ECHDC3: variants seen among roughly 807,000 people sequenced by gnomAD.
ECHDC3 encodes enoyl-CoA hydratase domain containing 3.
In ECHDC3, 20 loss-of-function variants were observed where a neutral mutation model predicts 17.9. The ratio of observed to expected loss-of-function variants is 1.12; its 90% CI spans 0.79 to 1.63. The LOEUF (loss-of-function observed/expected upper bound fraction) is 1.63, where lower values mean the gene tolerates loss of function less well. Among genes scored for constraint, ECHDC3 ranks in the 40% most tolerant of loss-of-function variants. The pLI, the probability that ECHDC3 is intolerant of heterozygous loss-of-function variation, is 0.00. For synonymous variants in ECHDC3, 177 were observed against 149.7 expected, an observed-to-expected ratio of 1.18 and a Z score of -1.33; for missense variants, 407 against 357.7, an observed-to-expected ratio of 1.14 and a Z score of -1.11.
chr10:11,754,172 A>G (rs2133791794), intron 3 of ECHDC3, among the ~76,000 whole-genome samples: 1 of 152,374 alleles, frequency 6.6e-6, no homozygotes, highest in South Asian at 2.1e-4. Flanking sequence ...ATAGCCTTAA[A>G]TATATAATTG....
At chr10:11,754,123 C>CA (rs1172433116) in intron 3 of ECHDC3, among the ~76,000 whole-genome samples, 1 of 151,848 alleles carries the variant, frequency 6.6e-6, no homozygotes, top group Admixed American at 6.6e-5. Context: ...AGACCTCCCC[C>CA]AAAAAAAGTC....
At chr10:11,747,745 C>T (rs934052360) in intron 2 of ECHDC3, among the ~76,000 whole-genome samples, 1 of 152,172 alleles carries the variant, frequency 6.6e-6, no homozygotes, top group Non-Finnish European at 1.5e-5. Flanking sequence ...CTGGTCTTCC[C>T]CTCAAAATCA....
At chr10:11,743,875 G>C (rs1046613220) in intron 1 of ECHDC3, among the ~76,000 whole-genome samples, 1 of 152,254 alleles carries the variant, frequency 6.6e-6, no homozygotes, top group Non-Finnish European at 1.5e-5. Context: ...GGCCGGTCGA[G>C]TTCTCCAGAA....
chr10:11,763,711 AGGACAAAAT>A lies in ECHDC3; in HGVS notation c.*171_*179del. The stretch of plus-strand genomic sequence containing the variant: ...TTAAAAGCCACAATTTCATGGGGAA[AGGACAAAAT>A]GGAGAGTGACTGAGGTGCTGACCTC... On this transcript the variant is annotated 3_prime_UTR_variant, in exon 5 of 5. Transcript: ENST00000379215. This position sits in a 1 kb window ranked among gnomAD's most constrained non-coding sequence, Gnocchi z 4.9. The A allele has an allele frequency of 7.0e-7, 1 of 1,418,968 alleles. No homozygotes were observed. The highest frequency in any genetic ancestry group is 9.2e-7 in the Non-Finnish European group (1 of 1,090,056). The allele number at this position is 1,418,968 out of a possible 1,614,324, so 87.9% of individuals were successfully genotyped here.
intron 4 of ECHDC3, among the ~76,000 whole-genome samples, chr10:11,756,182 G>A (rs1004336887): frequency 6.6e-6 from 1 of 152,230 alleles, no homozygotes; most frequent in African/African-American, 2.4e-5. Context: ...ATCTGCCCAA[G>A]AAGGAGCCGT....
In ECHDC3 at chr10:11,749,619, C is replaced by T. The variant is rs114256803; in HGVS notation, c.390+27C>T. ...TAAGCCAAGACGACAGTCGACAGTGCAAACCTGCAAATGATCATTACATTA... is the reference window on the plus strand; with the variant it reads ...TAAGCCAAGACGACAGTCGACAGTGTAAACCTGCAAATGATCATTACATTA... On this transcript the variant is annotated intron_variant, in intron 3 of 4. Coordinates refer to ENST00000379215, the MANE Select transcript of ECHDC3 (RefSeq NM_024693.5). 1.5e-3 allele frequency: 2,380 copies of T among 1,603,354 alleles called. 27 individuals are homozygous for T. The African/African-American group carries it at 0.027, about 18-fold the overall frequency.
Position 11,742,454 on chromosome 10 carries a change from C to A in ECHDC3, c.-123C>A. The A allele has an allele frequency of 1.9e-6, 2 of 1,029,950 alleles. No individual in the cohort carries two copies. Among genetic ancestry groups the A allele is most frequent in the Non-Finnish European group, 1.2e-6 (1 of 807,722 alleles). The allele number at this position is 1,029,950 out of a possible 1,614,324, so 63.8% of individuals were successfully genotyped here. On this transcript the variant is annotated 5_prime_UTR_variant, in exon 1 of 5. Coordinates refer to ENST00000379215, the MANE Select transcript of ECHDC3 (RefSeq NM_024693.5). The stretch of plus-strand genomic sequence containing the variant: ...CTGTCAGGCGGTTCCGTCCGGGTCT[C>A]GGCCACCGTCGAGTTCCGTCGAGTT...
chr10:11,743,243 C>T (rs532209335), intron 1 of ECHDC3, among the ~76,000 whole-genome samples: 4 of 152,206 alleles, frequency 2.6e-5, no homozygotes, highest in Non-Finnish European at 4.4e-5. Flanking sequence ...GGCCCTACCC[C>T]CTCCAGGCCT....
In ECHDC3 at chr10:11,742,459, ACCGTCGAGTT is replaced by A. The variant is rs961343355; in HGVS notation, c.-102_-93del. 2.5e-5 allele frequency: 26 copies of A among 1,059,060 alleles called. No individual in the cohort carries two copies. The highest frequency in any genetic ancestry group is 9.2e-5 in the South Asian group (2 of 21,648). 65.6% of individuals were successfully genotyped at this position (1,059,060 alleles called of 1,614,324 possible). ...AGGCGGTTCCGTCCGGGTCTCGGCC[ACCGTCGAGTT>A]CCGTCGAGTTCCGTCCCGGCCCTGC... is the stretch of plus-strand genomic sequence containing the variant. On this transcript the variant is annotated 5_prime_UTR_variant, in exon 1 of 5. Transcript: ENST00000379215.
At position 11,763,996 on chromosome 10, in the gene ECHDC3, T is replaced by C; in HGVS notation, c.*452T>C. 1 of 973,582 alleles carries C rather than the reference T, an allele frequency of 1.0e-6. No individual in the cohort carries two copies. Among genetic ancestry groups the C allele is most frequent in the Non-Finnish European group, 1.2e-6 (1 of 818,306 alleles). 60.3% of individuals were successfully genotyped at this position (973,582 alleles called of 1,614,324 possible). Reference sequence around the variant, plus strand: ...TTCTCCACACAGAAAATCTTCTTGATTCTATAGAGACTTAATCATGCCTAT... The same window carrying C: ...TTCTCCACACAGAAAATCTTCTTGACTCTATAGAGACTTAATCATGCCTAT... On this transcript the variant is annotated 3_prime_UTR_variant, in exon 5 of 5. Coordinates refer to ENST00000379215, the MANE Select transcript of ECHDC3 (RefSeq NM_024693.5). This position sits in a 1 kb window ranked among gnomAD's most constrained non-coding sequence, Gnocchi z 4.9.
intron 4 of ECHDC3, among the ~76,000 whole-genome samples, chr10:11,761,666 C>T (rs897461843): frequency 9.9e-5 from 15 of 152,208 alleles, no homozygotes; most frequent in African/African-American, 2.7e-4. Flanking sequence ...GGGTAGTTGG[C>T]GGCACACTGC....
chr10:11,749,411 C>A, intron 2 of ECHDC3, 84 bp from the exon 3 acceptor site: 1 of 1,287,170 alleles, frequency 7.8e-7, no homozygotes, highest in Non-Finnish European at 1.1e-6. Context: ...TGAAGTTATT[C>A]AGTAGACAAG....
At chr10:11,747,240 T>G in intron 1 of ECHDC3, 109 bp from the exon 2 acceptor site, 2 of 1,411,924 alleles carry the variant, frequency 1.4e-6, no homozygotes, top group Non-Finnish European at 1.9e-6. Flanking sequence ...CCCCAGCAGT[T>G]CTCCTTTCTT....
intron 1 of ECHDC3, 44 bp from the exon 2 acceptor site, chr10:11,747,300 CTTGTT>C (rs747408340): frequency 6.2e-7 from 1 of 1,601,864 alleles, no homozygotes; most frequent in South Asian, 1.1e-5. Flanking sequence ...GGGGTCCTCA[CTTGTT>C]TTGACTGGTG....
intron 3 of ECHDC3, among the ~76,000 whole-genome samples, chr10:11,754,600 A>T (rs917621956): frequency 6.6e-6 from 1 of 152,182 alleles, no homozygotes; most frequent in Non-Finnish European, 1.5e-5. Context: ...AACTGCCTTC[A>T]AGGCCCTTTT....
chr10:11,745,377 A>G (rs757039155), intron 1 of ECHDC3, among the ~76,000 whole-genome samples: 2 of 152,204 alleles, frequency 1.3e-5, no homozygotes, highest in Non-Finnish European at 2.9e-5. Context: ...TATTTGCTAC[A>G]AGAAGCACCC....
At chr10:11,744,637 A>G (rs1352872333) in intron 1 of ECHDC3, among the ~76,000 whole-genome samples, 9 of 152,000 alleles carry the variant, frequency 5.9e-5, no homozygotes, top group African/African-American at 1.9e-4. Flanking sequence ...AAGGCATCGC[A>G]TGTTTTGAAC....
chr10:11,754,986 C>T lies in ECHDC3; in HGVS notation c.391-422C>T, dbSNP rs189477099. On this transcript the variant is annotated intron_variant, in intron 3 of 4. Coordinates refer to ENST00000379215, the MANE Select transcript of ECHDC3 (RefSeq NM_024693.5). ...TCTTCCATAGAATCGGATAAACTCA[C>T]GCTTATGAAAAGTGCTCTGGAAACA... Among the ~76,000 whole-genome samples, 295 of 152,244 alleles carry T rather than the reference C, an allele frequency of 1.9e-3. 3 individuals carry two copies. Among genetic ancestry groups the T allele is most frequent in the Non-Finnish European group, 3.5e-3 (241 of 68,020 alleles).
chr10:11,763,521 G>A lies in ECHDC3; in HGVS notation c.889G>A (p.Val297Ile). Residue 297 changes from valine (V) to isoleucine (I), a missense_variant, in exon 5 of 5, where the codon GTC becomes ATC. Val to Ile is a conservative substitution (Grantham distance 29). Coordinates refer to ENST00000379215, the MANE Select transcript of ECHDC3 (RefSeq NM_024693.5). This position sits in a 1 kb window ranked among gnomAD's most constrained non-coding sequence, Gnocchi z 4.9. ...GGCCTTCCTCCAGAAGAGAAAACCT[G>A]TCTGGTCACACGAGCCAGTGTGAGT... is the stretch of plus-strand genomic sequence containing the variant. The part of the protein sequence containing the change: ...ITAFLQKRKP[V>I]WSHEPV 6.9e-7 allele frequency: 1 copy of A among 1,456,312 alleles called. No homozygotes were observed. The allele number at this position is 1,456,312 out of a possible 1,614,324, so 90.2% of individuals were successfully genotyped here.
Sources: gnomAD v4.1 joint callset for allele counts (sites outside exome capture counted in the v4.1 genomes callset) on GRCh38, gnomAD v4.1.1 for gene constraint, Gnocchi (gnomAD v3.1) non-coding constraint, MANE v1.5 for transcripts, NCBI Gene and HGNC (gene_info 2026-07-23, HGNC 2026-07-21) for gene names.